Variants in TENM3 observed in about 807,000 individuals in gnomAD.
TENM3 encodes teneurin transmembrane protein 3.
A neutral mutation model predicts 255.1 loss-of-function variants in TENM3; 63 were observed. The ratio of observed to expected loss-of-function variants is 0.25; its 90% CI spans 0.20 to 0.30. TENM3 has a LOEUF of 0.30. TENM3 is among the 10% of genes least tolerant of loss of function. The probability of loss-of-function intolerance (pLI) is 1.00; values close to 1 mark genes in which losing one functional copy is unlikely to be tolerated. For missense variants in TENM3, 2,929 were observed against 3,461.1 expected (o/e 0.85, Z 3.86); for synonymous variants, 1,306 against 1,322.3 (o/e 0.99, Z 0.27).
At chr4:182,312,340 C>A (rs1445413573) in intron 1 of TENM3, among the ~76,000 whole-genome samples, 1 of 152,038 alleles carries the variant, frequency 6.6e-6, no homozygotes. Context: ...CCAGCCTGGG[C>A]AGCAGAGCGA....
the TENM3 span, among the ~76,000 whole-genome samples, chr4:181,542,364 A>T: frequency 6.6e-6 from 1 of 152,176 alleles, no homozygotes; most frequent in Non-Finnish European, 1.5e-5. Context: ...TCCAGCCATG[A>T]TAGAAAGTTT....
At chr4:181,715,991 A>G in the TENM3 span, among the ~76,000 whole-genome samples, 1 of 152,210 alleles carries the variant, frequency 6.6e-6, no homozygotes, top group Non-Finnish European at 1.5e-5. Context: ...CAGTTAGTCC[A>G]TTGCATGGTT....
the TENM3 span, among the ~76,000 whole-genome samples, chr4:181,449,951 A>G: frequency 6.6e-6 from 1 of 152,224 alleles, no homozygotes; most frequent in Admixed American, 6.5e-5. Context: ...TTCCTTTCAG[A>G]GCAAAATGAT....
At chr4:181,654,369 A>G in the TENM3 span, among the ~76,000 whole-genome samples, 1 of 152,172 alleles carries the variant, frequency 6.6e-6, no homozygotes, top group Non-Finnish European at 1.5e-5. Flanking sequence ...TTGGAGGAAA[A>G]GAATATTCCA....
At chr4:182,304,906 C>T (rs774555517) in intron 1 of TENM3, among the ~76,000 whole-genome samples, 3 of 152,106 alleles carry the variant, frequency 2.0e-5, no homozygotes, top group African/African-American at 4.8e-5. Flanking sequence ...ACAGGTGCTA[C>T]GACAGTGATT....
chr4:182,402,741 T>C (rs1769293509), intron 3 of TENM3, among the ~76,000 whole-genome samples: 1 of 152,180 alleles, frequency 6.6e-6, no homozygotes. Context: ...GAGAGAGAAA[T>C]TATGCTAATG....
the TENM3 span, among the ~76,000 whole-genome samples, chr4:181,544,608 A>G: frequency 6.7e-6 from 1 of 148,898 alleles, no homozygotes; most frequent in Non-Finnish European, 1.5e-5. Flanking sequence ...ATATTTTAAT[A>G]TTAGTTCTAG....
At position 182,175,971 on chromosome 4, in the gene TENM3, C is replaced by T. The variant is rs1343984008; in HGVS notation, c.-76+31217C>T. 2.0e-5 allele frequency among the ~76,000 whole-genome samples: 3 copies of T among 151,036 alleles called. No homozygotes were observed. In the Admixed American group the frequency reaches 2.0e-4, roughly 10 times the overall value. ...CGGTAGCTCCGGCCATTTAGTGTTG[C>T]AGGTGGATGACTCATTTGATCAACA... On this transcript the variant is annotated intron_variant, in intron 1 of 2. Coordinates refer to the TENM3 transcript ENST00000512480.
the TENM3 span, among the ~76,000 whole-genome samples, chr4:181,556,738 ATC>A: frequency 1.7e-3 from 256 of 152,294 alleles, 1 homozygote; most frequent in African/African-American, 5.8e-3. Flanking sequence ...GGTAAAATTC[ATC>A]TGTTATTCTT....
intron 3 of TENM3, among the ~76,000 whole-genome samples, chr4:182,439,633 C>G (rs1253718670): frequency 2.6e-5 from 4 of 152,188 alleles, no homozygotes; most frequent in South Asian, 2.1e-4. Context: ...CTAGCTGTCT[C>G]TATTTCCCCA....
intron 17 of TENM3, among the ~76,000 whole-genome samples, chr4:182,737,337 C>T (rs1761246254): frequency 6.6e-6 from 1 of 152,190 alleles, no homozygotes; most frequent in Admixed American, 6.5e-5. Flanking sequence ...CAGCTTGTCA[C>T]ATCCTTTCTC....
chr4:182,241,176 G>A (rs1390583181), upstream of TENM3, among the ~76,000 whole-genome samples: 1 of 152,068 alleles, frequency 6.6e-6, no homozygotes, highest in Non-Finnish European at 1.5e-5. Context: ...CTTCTCTCTG[G>A]TTTACCATTG....
chr4:182,159,683 A>C (rs1318235805), intron 1 of TENM3, among the ~76,000 whole-genome samples: 1 of 152,138 alleles, frequency 6.6e-6, no homozygotes, highest in African/African-American at 2.4e-5. Context: ...AGAAGCGCTC[A>C]GCTCAAGGGG....
chr4:182,224,419 A>G (rs1756022075), intron 1 of TENM3, among the ~76,000 whole-genome samples: 1 of 152,216 alleles, frequency 6.6e-6, no homozygotes, highest in Non-Finnish European at 1.5e-5. Context: ...CTTGTAGCCT[A>G]GCCGACTCTG....
chr4:181,920,535 T>C, the TENM3 span, among the ~76,000 whole-genome samples: 1 of 152,242 alleles, frequency 6.6e-6, no homozygotes, highest in African/African-American at 2.4e-5. Flanking sequence ...ATGTCTTCTC[T>C]TGAGAAGTGT....
At chr4:181,707,167 T>C in the TENM3 span, among the ~76,000 whole-genome samples, 16 of 152,164 alleles carry the variant, frequency 1.1e-4, no homozygotes, top group African/African-American at 3.6e-4. Context: ...GCTGGCAGCT[T>C]TGCTTGGCCC....
chr4:182,327,915 T>C (rs1049894236), intron 2 of TENM3, among the ~76,000 whole-genome samples: 1 of 152,236 alleles, frequency 6.6e-6, no homozygotes, highest in Non-Finnish European at 1.5e-5. Flanking sequence ...TTTCCTCTGC[T>C]GCAGCTCTGT....
At chr4:182,716,947 C>T (rs563553505) in intron 13 of TENM3, among the ~76,000 whole-genome samples, 1 of 152,212 alleles carries the variant, frequency 6.6e-6, no homozygotes, top group East Asian at 1.9e-4. Context: ...CAATGTGGCC[C>T]TAGTCAGCAA....
chr4:182,032,246 GT>G, the TENM3 span, among the ~76,000 whole-genome samples: 15 of 152,262 alleles, frequency 9.9e-5, no homozygotes, highest in African/African-American at 3.4e-4. Flanking sequence ...AGTTTATTGA[GT>G]TTTTAATATG....
Sources: gnomAD v4.1 joint callset for allele counts (sites outside exome capture counted in the v4.1 genomes callset) on GRCh38, gnomAD v4.1.1 for gene constraint, MANE v1.5 for transcripts, NCBI Gene and HGNC (gene_info 2026-07-23, HGNC 2026-07-21) for gene names.